The following HCN1 variants were observed in gnomAD, a reference collection of about 807,000 sequenced individuals.
HCN1 encodes the protein potassium/sodium hyperpolarization-activated cyclic nucleotide-gated channel 1.
In HCN1, 13 loss-of-function variants were observed where a neutral mutation model predicts 78.9. The ratio of observed to expected loss-of-function variants is 0.16; its 90% CI spans 0.11 to 0.26. The LOEUF (loss-of-function observed/expected upper bound fraction) is 0.26, where lower values mean the gene tolerates loss of function less well. Among genes scored for constraint, HCN1 ranks in the 10% least tolerant of loss-of-function variants. The pLI is 1.00. For missense variants in HCN1, 810 were observed against 1,154.3 expected, an observed-to-expected ratio of 0.70 and a Z score of 4.32; for synonymous variants, 552 against 455.5, an observed-to-expected ratio of 1.21 and a Z score of -2.70.
At position 45,260,796 on chromosome 5, in the gene HCN1, T is replaced by G. The variant is rs530561440; in HGVS notation, c.*1125A>C. On this transcript the variant is annotated 3_prime_UTR_variant, in exon 8 of 8. Transcript: ENST00000303230. ...AAGTCAGAGATCCAAGTCAGCCTTA[T>G]AGGAATTATAAGATAGGCAATTAAT... The G allele has an allele frequency of 6.5e-6, 1 of 152,684 alleles. No individual in the cohort carries two copies. The highest frequency in any genetic ancestry group is 2.4e-5 in the African/African-American group (1 of 41,546). 9.5% of individuals were successfully genotyped at this position (152,684 alleles called of 1,614,324 possible). A position where few individuals can be genotyped will look rare whatever the true frequency, so the allele number is the denominator to read the frequency against.
At chr5:45,510,056 T>C (rs1326060058) in intron 2 of HCN1, among the ~76,000 whole-genome samples, 1 of 152,106 alleles carries the variant, frequency 6.6e-6, no homozygotes, top group Non-Finnish European at 1.5e-5. Flanking sequence ...ACATCCGACA[T>C]CATTTTGGCA....
rs1296798917 is a variant in HCN1 at position 45,257,092 on chromosome 5, GC to G, written c.*4828del. The G allele has an allele frequency of 6.6e-6, 1 of 152,084 alleles. No individual in the cohort carries two copies. Among genetic ancestry groups the G allele is most frequent in the Non-Finnish European group, 1.5e-5 (1 of 68,028 alleles). The allele number at this position is 152,084 out of a possible 1,614,324, so 9.4% of individuals were successfully genotyped here. On this transcript the variant is annotated 3_prime_UTR_variant, in exon 8 of 8. Transcript: ENST00000303230. The stretch of plus-strand genomic sequence containing the variant: ...ACAAGGCAGGGTGGGGTTGTAAATA[GC>G]CCCCAGTTTTTGCTGTGTCATAAAT...
At chr5:45,448,317 C>T (rs1352427079) in intron 3 of HCN1, among the ~76,000 whole-genome samples, 1 of 152,108 alleles carries the variant, frequency 6.6e-6, no homozygotes, top group Non-Finnish European at 1.5e-5. Flanking sequence ...TCTCGGAGTT[C>T]AATTTCTCTG....
chr5:45,521,235 T>G lies in HCN1; in HGVS notation c.850-59228A>C, dbSNP rs554468761. ...AGCCAAGAAAACAAAGGCTCTGAAC[T>G]CCCTTGCAACCTTCTCTTCTTCTAG... On this transcript the variant is annotated intron_variant, in intron 2 of 7. Coordinates refer to ENST00000303230, the MANE Select transcript of HCN1 (RefSeq NM_021072.4). Among the ~76,000 whole-genome samples, 11 of 151,990 alleles carry G rather than the reference T, an allele frequency of 7.2e-5. No individual in the cohort carries two copies. In the South Asian group the frequency reaches 2.3e-3, roughly 31 times the overall value.
At position 45,255,542 on chromosome 5, in the gene HCN1, G is replaced by C. The variant is rs574357511; in HGVS notation, c.*6379C>G. The C allele has an allele frequency of 6.6e-6, 1 of 152,142 alleles. No individual in the cohort carries two copies. Among genetic ancestry groups the C allele is most frequent in the African/African-American group, 2.4e-5 (1 of 41,432 alleles). The allele number at this position is 152,142 out of a possible 1,614,324, so 9.4% of individuals were successfully genotyped here. A position where few individuals can be genotyped will look rare whatever the true frequency, so the allele number is the denominator to read the frequency against. Reference sequence around the variant, plus strand: ...CCATGCACCACACTTTCCACAGTGAGGCACGCAAGAACATTTAGAACTGCA... The same window carrying C: ...CCATGCACCACACTTTCCACAGTGACGCACGCAAGAACATTTAGAACTGCA... On this transcript the variant is annotated 3_prime_UTR_variant, in exon 8 of 8. Transcript: ENST00000303230.
intron 5 of HCN1, among the ~76,000 whole-genome samples, chr5:45,325,602 G>A (rs535841705): frequency 7.3e-5 from 11 of 151,600 alleles, no homozygotes; most frequent in South Asian, 4.2e-4. Flanking sequence ...ATTCTTTTCC[G>A]TCAGCATTTC....
intron 2 of HCN1, among the ~76,000 whole-genome samples, chr5:45,529,272 C>T (rs980488844): frequency 1.3e-5 from 2 of 151,918 alleles, no homozygotes; most frequent in African/African-American, 4.8e-5. Flanking sequence ...TCCCTCATGC[C>T]ACCACTTTAT....
intron 6 of HCN1, among the ~76,000 whole-genome samples, chr5:45,292,248 G>C (rs528612961): frequency 1.3e-5 from 2 of 151,804 alleles, no homozygotes; most frequent in East Asian, 1.9e-4. Context: ...TAACTATTTT[G>C]TACAATATGC....
chr5:45,578,987 C>T (rs372850736), intron 2 of HCN1, among the ~76,000 whole-genome samples: 2 of 152,042 alleles, frequency 1.3e-5, no homozygotes, highest in East Asian at 1.9e-4. Flanking sequence ...CAAATGTCAT[C>T]GTTATCTCAT....
intron 1 of HCN1, among the ~76,000 whole-genome samples, chr5:45,656,546 C>T (rs538927116): frequency 2.0e-5 from 3 of 152,098 alleles, no homozygotes; most frequent in Admixed American, 6.6e-5. Flanking sequence ...TGGAGATAAA[C>T]GGATTAAATT....
At chr5:45,585,561 C>A (rs920677519) in intron 2 of HCN1, among the ~76,000 whole-genome samples, 1 of 152,164 alleles carries the variant, frequency 6.6e-6, no homozygotes. Context: ...TGTTCTGTTG[C>A]TGGTGAGGAG....
At chr5:45,399,062 G>T (rs915162564) in intron 3 of HCN1, among the ~76,000 whole-genome samples, 1 of 152,204 alleles carries the variant, frequency 6.6e-6, no homozygotes, top group Non-Finnish European at 1.5e-5. Flanking sequence ...ATACTACAGG[G>T]ATGGTCCCTT....
chr5:45,572,512 A>G (rs983792152), intron 2 of HCN1, among the ~76,000 whole-genome samples: 1 of 152,200 alleles, frequency 6.6e-6, no homozygotes, highest in Non-Finnish European at 1.5e-5. Flanking sequence ...AAAAAGATAA[A>G]AAGAAGTGTG....
chr5:45,349,895 CAA>C (rs1319513726), intron 5 of HCN1, among the ~76,000 whole-genome samples: 1 of 152,056 alleles, frequency 6.6e-6, no homozygotes, highest in Non-Finnish European at 1.5e-5. Context: ...GCTTACCAAC[CAA>C]AAAGAGTCCA....
chr5:45,373,617 A>C (rs897938643), intron 4 of HCN1, among the ~76,000 whole-genome samples: 1 of 137,298 alleles, frequency 7.3e-6, no homozygotes, highest in African/African-American at 2.7e-5. Flanking sequence ...GTCATCTATA[A>C]TATATTACAT....
intron 5 of HCN1, among the ~76,000 whole-genome samples, chr5:45,319,213 A>T (rs963591249): frequency 6.6e-6 from 1 of 151,958 alleles, no homozygotes; most frequent in Non-Finnish European, 1.5e-5. Flanking sequence ...AGTGTACACC[A>T]TATATTGGAA....
intron 2 of HCN1, among the ~76,000 whole-genome samples, chr5:45,606,148 T>C (rs188782750): frequency 5.3e-4 from 80 of 152,106 alleles, no homozygotes; most frequent in Non-Finnish European, 9.0e-4. Flanking sequence ...TAAGCAACCA[T>C]TGCCAGAAAA....
At chr5:45,285,512 A>T (rs1420009416) in intron 6 of HCN1, among the ~76,000 whole-genome samples, 1 of 151,866 alleles carries the variant, frequency 6.6e-6, no homozygotes, top group African/African-American at 2.4e-5. Flanking sequence ...TCTCATTTGG[A>T]TTTATTAAGG....
intron 5 of HCN1, among the ~76,000 whole-genome samples, 171 bp downstream of exon 5, chr5:45,352,929 T>C (rs1000258384): frequency 3.9e-5 from 6 of 152,032 alleles, no homozygotes; most frequent in African/African-American, 1.2e-4. Context: ...TTTCCAATAC[T>C]TTTTTCAACA....
Sources: allele counts gnomAD v4.1 joint callset (sites outside exome capture counted in the v4.1 genomes callset), GRCh38; gene constraint gnomAD v4.1.1; transcripts MANE v1.5; gene names NCBI Gene and HGNC (gene_info 2026-07-23, HGNC 2026-07-21).